PDE2A: variants seen among roughly 807,000 people sequenced by gnomAD.
PDE2A encodes the protein cGMP-dependent 3',5'-cyclic phosphodiesterase.
In PDE2A, 53 loss-of-function variants were observed where a neutral mutation model predicts 133.6. The ratio of observed to expected loss-of-function variants is 0.40; its 90% CI spans 0.32 to 0.50. PDE2A has a LOEUF of 0.50. PDE2A is among the 20% of genes least tolerant of loss of function. PDE2A has a pLI of 0.73. For missense variants in PDE2A, 796 were observed against 1,232.4 expected, an observed-to-expected ratio of 0.65 and a Z score of 5.30; for synonymous variants, 491 against 490.2, an observed-to-expected ratio of 1.00 and a Z score of -0.02.
In PDE2A at chr11:72,590,535, G is replaced by A. The variant is rs968541709; in HGVS notation, c.595C>T (p.Pro199Ser). 2.8e-6 allele frequency: 4 copies of A among 1,444,886 alleles called. No homozygotes were observed. Among genetic ancestry groups the A allele is most frequent in the Non-Finnish European group, 3.6e-6 (4 of 1,105,418 alleles). 89.5% of individuals were successfully genotyped at this position (1,444,886 alleles called of 1,614,324 possible). A position where few individuals can be genotyped will look rare whatever the true frequency, so the allele number is the denominator to read the frequency against. The change falls in exon 8 of 31, where the codon CCC (proline) becomes TCC (serine). Residue 199 changes from proline (P) to serine (S), a missense_variant. Pro to Ser is a moderately conservative substitution (Grantham distance 74). This residue lies in a region of PDE2A where 417 missense variants were observed against 475.3 expected (regional missense o/e 0.88). Coordinates refer to ENST00000334456, the MANE Select transcript of PDE2A (RefSeq NM_002599.5). The surrounding 1 kb of genome is among the most constrained non-coding windows in gnomAD (Gnocchi z 4.8). ...TGGACGGCTCGGGGAGCCTCCCTGG[G>A]CCCGCGCTGCTGCAGGACCTGCACC... ...RRVQVLQQRG[P>S]REAPRAVQNP...
At chr11:72,605,030 G>C (rs1314246962) in intron 4 of PDE2A, 108 bp downstream of exon 4, 1 of 624,714 alleles carries the variant, frequency 1.6e-6, no homozygotes. Context: ...GGGAGGCGGG[G>C]ATCAATGTTG....
Position 72,608,673 on chromosome 11 carries a change from G to A in PDE2A, c.223C>T (p.Leu75Phe), listed in dbSNP as rs1857074802. The change falls in exon 3 of 31, where the codon CTC becomes TTC. Residue 75 changes from leucine (L) to phenylalanine (F), a missense_variant. By Grantham distance (22) the Leu-to-Phe change is conservative. Around this residue, in one of 7 missense-constraint regions of PDE2A, gnomAD observed 417 missense variants for 475.3 expected, o/e 0.88. Coordinates refer to ENST00000334456, the MANE Select transcript of PDE2A (RefSeq NM_002599.5). ...RAVKEALSAV[L>F]PRVETVYTYL... ...GGGCGGGCACCTACCACTCGGGGGA[G>A]CACAGCTGACAGGGCCTCCTTGACA... is the stretch of plus-strand genomic sequence containing the variant. 1.3e-6 allele frequency: 2 copies of A among 1,559,544 alleles called. No individual in the cohort carries two copies. The highest frequency in any genetic ancestry group is 1.3e-5 in the African/African-American group (1 of 74,324).
At chr11:72,579,430 C>A (rs1351999174) in intron 26 of PDE2A, 47 bp from the exon 27 acceptor site, 10 of 1,569,626 alleles carry the variant, frequency 6.4e-6, no homozygotes, top group Admixed American at 1.7e-5. Flanking sequence ...GACACCCCCA[C>A]CCATTTGCCC....
At chr11:72,627,170 A>G (rs1216846951) in intron 2 of PDE2A, among the ~76,000 whole-genome samples, 2 of 152,186 alleles carry the variant, frequency 1.3e-5, no homozygotes, top group African/African-American at 2.4e-5. Context: ...AGAAGTATTT[A>G]TTGAGCACCT....
At chr11:72,655,685 A>T (rs1054031641) in intron 1 of PDE2A, among the ~76,000 whole-genome samples, 1 of 152,270 alleles carries the variant, frequency 6.6e-6, no homozygotes, top group East Asian at 1.9e-4. Context: ...GTATCTCTAC[A>T]GTGGAGTGAT....
intron 20 of PDE2A, 26 bp from the exon 21 acceptor site, chr11:72,582,592 G>A: frequency 3.8e-6 from 6 of 1,597,260 alleles, no homozygotes; most frequent in Non-Finnish European, 5.1e-6. Context: ...CAGAGCATTA[G>A]AAGACAGCCT....
intron 14 of PDE2A, 96 bp downstream of exon 14, chr11:72,585,974 G>A (rs1411763256): frequency 2.6e-6 from 2 of 775,320 alleles, no homozygotes; most frequent in Non-Finnish European, 4.5e-6. Context: ...GCTGCCACCA[G>A]TCCAGAAAGA....
rs760551933 is a variant in PDE2A at position 72,590,681 on chromosome 11, G to C, written c.550-101C>G. On this transcript the variant is annotated intron_variant, in intron 7 of 30. Coordinates refer to ENST00000334456, the MANE Select transcript of PDE2A (RefSeq NM_002599.5). This position sits in a 1 kb window ranked among gnomAD's most constrained non-coding sequence, Gnocchi z 4.8. ...GCTCCCGCCGTTCCCTCTGCCTGCC[G>C]GGCCCAGGGACCCCGCCGCCGTCCC... The C allele has an allele frequency of 1.6e-5, 18 of 1,129,324 alleles. No individual in the cohort carries two copies. The highest frequency in any genetic ancestry group is 2.1e-5 in the Non-Finnish European group (18 of 861,702). 70.0% of individuals were successfully genotyped at this position (1,129,324 alleles called of 1,614,324 possible).
At chr11:72,587,283 C>T (rs751332098) in intron 13 of PDE2A, among the ~76,000 whole-genome samples, 34 of 152,318 alleles carry the variant, frequency 2.2e-4, no homozygotes, top group Non-Finnish European at 4.0e-4. Flanking sequence ...CTGGCCTTGC[C>T]ACCAGCCCCA....
At chr11:72,654,549 C>A (rs1283718259) in intron 1 of PDE2A, among the ~76,000 whole-genome samples, 1 of 152,030 alleles carries the variant, frequency 6.6e-6, no homozygotes, top group Non-Finnish European at 1.5e-5. Flanking sequence ...GGGTCCCCAG[C>A]CCTCCTCCGG....
In PDE2A at chr11:72,577,285, C is replaced by G. The variant is rs943481569; in HGVS notation, c.*99G>C. ...CCAGGGTCACACAGGAAGTCCTGGT[C>G]TAGGACCCAGGACCCGTGGCTCTGT... On this transcript the variant is annotated 3_prime_UTR_variant, in exon 31 of 31. Transcript: ENST00000334456. 4.7e-6 allele frequency: 4 copies of G among 858,628 alleles called. No individual in the cohort carries two copies. The East Asian group carries it at 1.0e-4, about 22-fold the overall frequency. 53.2% of individuals were successfully genotyped at this position (858,628 alleles called of 1,614,324 possible). A position where few individuals can be genotyped will look rare whatever the true frequency, so the allele number is the denominator to read the frequency against.
chr11:72,577,621 G>A (rs371498832), intron 30 of PDE2A, 27 bp from the exon 31 acceptor site: 21 of 1,524,902 alleles, frequency 1.4e-5, no homozygotes, highest in Middle Eastern at 2.1e-4. Context: ...GGCAGAGGGC[G>A]AGAGGCCAGA....
At position 72,577,421 on chromosome 11, in the gene PDE2A, G is replaced by T. The variant is rs1236917540; in HGVS notation, c.2789C>A (p.Ala930Asp). 8.1e-6 allele frequency: 13 copies of T among 1,613,872 alleles called. No homozygotes were observed. Among genetic ancestry groups the T allele is most frequent in the Non-Finnish European group, 1.1e-5 (13 of 1,179,954 alleles). The change falls in exon 31 of 31, where the codon GCC becomes GAC. Residue 930 changes from alanine to aspartate, a missense_variant. Ala to Asp is a moderately radical substitution (Grantham distance 126, BLOSUM62 -2). Around this residue, in one of 7 missense-constraint regions of PDE2A, gnomAD observed 83 missense variants for 99.0 expected, o/e 0.84. Coordinates refer to ENST00000334456, the MANE Select transcript of PDE2A (RefSeq NM_002599.5). The stretch of plus-strand genomic sequence containing the variant: ...AAGGCTGCAGCAGCCATTGATGGGG[G>T]CCCTAGTGCCATCCAGATCAGGCAC... ...YEVPDLDGTR[A>D]PINGCCSLDA...
At chr11:72,582,702 C>G (rs1188022596) in intron 20 of PDE2A, 136 bp from the exon 21 acceptor site, 6 of 843,840 alleles carry the variant, frequency 7.1e-6, no homozygotes, top group Non-Finnish European at 5.4e-6. Flanking sequence ...TGGACTGTAA[C>G]TGGGCAGGAA....
intron 13 of PDE2A, among the ~76,000 whole-genome samples, 191 bp downstream of exon 13, chr11:72,588,593 C>T (rs1346525449): frequency 6.6e-6 from 1 of 152,214 alleles, no homozygotes; most frequent in Non-Finnish European, 1.5e-5. Context: ...CTTCAGGAAG[C>T]AGGAGAAGAG....
rs561276352 is a variant in PDE2A, at chr11:72,614,493, C to T, written c.145-5742G>A. On this transcript the variant is annotated intron_variant, in intron 2 of 30. Coordinates refer to ENST00000334456, the MANE Select transcript of PDE2A (RefSeq NM_002599.5). ...CCTGTGGCTAGAGGTTTCCACCAGCCGTTCCCCAATTTTCATGTGCACCAG... is the reference window on the plus strand; with the variant it reads ...CCTGTGGCTAGAGGTTTCCACCAGCTGTTCCCCAATTTTCATGTGCACCAG... Among the ~76,000 whole-genome samples, 18 of 152,282 alleles carry T rather than the reference C, an allele frequency of 1.2e-4. No individual in the cohort carries two copies. The East Asian group carries it at 1.5e-3, about 13-fold the overall frequency.
intron 1 of PDE2A, among the ~76,000 whole-genome samples, chr11:72,648,191 C>T (rs1447373208): frequency 3.3e-5 from 5 of 152,160 alleles, no homozygotes; most frequent in Non-Finnish European, 5.9e-5. Flanking sequence ...GCCCTTGCCC[C>T]TATCTTTGGG....
At chr11:72,628,330 G>GTT (rs1222551385) in intron 2 of PDE2A, among the ~76,000 whole-genome samples, 1 of 143,664 alleles carries the variant, frequency 7.0e-6, no homozygotes, top group Non-Finnish European at 1.5e-5. Context: ...AATGATAGAG[G>GTT]TTCTTTTTTT....
In PDE2A at chr11:72,619,591, C is replaced by T. The variant is rs138995856; in HGVS notation, c.145-10840G>A. Among the ~76,000 whole-genome samples, 24 of 152,288 alleles carry T rather than the reference C, an allele frequency of 1.6e-4. No homozygotes were observed. The East Asian group carries it at 4.6e-3, about 29-fold the overall frequency. On this transcript the variant is annotated intron_variant, in intron 2 of 30. Coordinates refer to ENST00000334456, the MANE Select transcript of PDE2A (RefSeq NM_002599.5). Reference sequence around the variant, plus strand: ...TGGGAGTGACCATGTGGGCCTGCATCTATGCATATGTGATTCAGGTCATTG... The same window carrying T: ...TGGGAGTGACCATGTGGGCCTGCATTTATGCATATGTGATTCAGGTCATTG...
Sources: allele counts gnomAD v4.1 joint callset (sites outside exome capture counted in the v4.1 genomes callset), GRCh38; gene constraint gnomAD v4.1.1; regional missense constraint gnomAD v4.1.1; non-coding constraint Gnocchi (gnomAD v3.1); transcripts MANE v1.5; gene names NCBI Gene and HGNC (gene_info 2026-07-23, HGNC 2026-07-21).